KATNIP: variants seen among roughly 807,000 people sequenced by gnomAD.
The protein encoded by KATNIP is katanin-interacting protein.
KATNIP carries 126 observed loss-of-function variants against 174.0 expected under a neutral mutation model. That is an observed-to-expected ratio of 0.72 (90% CI 0.63 to 0.84). The LOEUF (loss-of-function observed/expected upper bound fraction) is 0.84. Among genes scored for constraint, KATNIP ranks in the 40% least tolerant of loss-of-function variants. The pLI is 0.00. For synonymous variants in KATNIP, 810 were observed against 835.7 expected (o/e 0.97, Z 0.53); for missense variants, 1,958 against 2,109.7 (o/e 0.93, Z 1.41).
In KATNIP at chr16:27,648,708, AAAC is replaced by A; in HGVS notation, c.518_520del (p.Asn173del). The A allele has an allele frequency of 6.2e-7, 1 of 1,614,146 alleles. No homozygotes were observed. The highest frequency in any genetic ancestry group is 8.5e-7 in the Non-Finnish European group (1 of 1,180,026). ...TGTGTGGGGATGTGACTCTCCAGGCAAACAACACTTCTGAGGATCGTCCGCAGG... is the reference window on the plus strand; with the variant it reads ...TGTGTGGGGATGTGACTCTCCAGGCAAACACTTCTGAGGATCGTCCGCAGG... On this transcript the variant is annotated inframe_deletion, in exon 6 of 28. Coordinates refer to ENST00000261588, the MANE Select transcript of KATNIP (RefSeq NM_015202.5).
intron 21 of KATNIP, among the ~76,000 whole-genome samples, chr16:27,770,734 T>G (rs1339579131): frequency 6.6e-6 from 1 of 152,252 alleles, no homozygotes; most frequent in Non-Finnish European, 1.5e-5. Context: ...GTGAACACTT[T>G]GATGTGTCCT....
intron 1 of KATNIP, among the ~76,000 whole-genome samples, chr16:27,564,917 C>G (rs527822740): frequency 1.5e-4 from 23 of 152,060 alleles, no homozygotes; most frequent in African/African-American, 5.5e-4. Context: ...GCATGCGCCA[C>G]CACACCCGGC....
chr16:27,699,833 C>T (rs1457765824), intron 10 of KATNIP, among the ~76,000 whole-genome samples: 1 of 152,220 alleles, frequency 6.6e-6, no homozygotes, highest in Non-Finnish European at 1.5e-5. Context: ...CCCAAGGTCA[C>T]GAGTTGAAGC....
Position 27,698,388 on chromosome 16 carries a change from A to T in KATNIP, c.1001A>T (p.Glu334Val), listed in dbSNP as rs995607830. 3.1e-6 allele frequency: 5 copies of T among 1,613,310 alleles called. No individual in the cohort carries two copies. Among genetic ancestry groups the T allele is most frequent in the Non-Finnish European group, 3.4e-6 (4 of 1,179,630 alleles). Residue 334 changes from glutamate (E) to valine (V), a missense_variant, in exon 9 of 28, where the codon GAG becomes GTG. By Grantham distance (121) the Glu-to-Val change is moderately radical (BLOSUM62 -2). Coordinates refer to ENST00000261588, the MANE Select transcript of KATNIP (RefSeq NM_015202.5). Reference protein sequence around the residue: ...SATRKTLCEAEYPEEDASAVL... With the variant: ...SATRKTLCEAVYPEEDASAVL... The stretch of plus-strand genomic sequence containing the variant: ...ACCCGCAAAACTCTTTGCGAGGCTG[A>T]GTACCCAGAGGAAGATGCCTCTGCT...
intron 12 of KATNIP, among the ~76,000 whole-genome samples, chr16:27,708,256 C>T (rs1205919703): frequency 6.6e-6 from 1 of 151,924 alleles, no homozygotes; most frequent in Non-Finnish European, 1.5e-5. Flanking sequence ...CTCCTGGCCT[C>T]GAGGAATCCT....
At chr16:27,750,351 CT>C in intron 16 of KATNIP, 45 bp downstream of exon 16, 1 of 1,561,588 alleles carries the variant, frequency 6.4e-7, no homozygotes, top group Non-Finnish European at 8.7e-7. Context: ...CTATCTGTGA[CT>C]TGCTGAGAGT....
Position 27,763,962 on chromosome 16 carries a change from T to C in KATNIP, c.3810-2347T>C, listed in dbSNP as rs531193536. Among the ~76,000 whole-genome samples, 228 of 152,340 alleles carry C rather than the reference T, an allele frequency of 1.5e-3. 2 individuals carry two copies. The highest frequency in any genetic ancestry group is 0.01 in the Middle Eastern group (3 of 294). On this transcript the variant is annotated intron_variant, in intron 19 of 27. Transcript: ENST00000261588. Reference sequence around the variant, plus strand: ...ATTAGATCTAGAGGCCTGATCAGATTGAGGTTTGACTACTAGGGCAAGATG... The same window carrying C: ...ATTAGATCTAGAGGCCTGATCAGATCGAGGTTTGACTACTAGGGCAAGATG...
intron 19 of KATNIP, among the ~76,000 whole-genome samples, chr16:27,763,015 A>C (rs1041100312): frequency 1.3e-5 from 2 of 152,172 alleles, no homozygotes; most frequent in Non-Finnish European, 2.9e-5. Flanking sequence ...TCCTGGTACC[A>C]TTGTTATACT....
chr16:27,765,327 C>G (rs1369789656), intron 19 of KATNIP, among the ~76,000 whole-genome samples: 1 of 152,220 alleles, frequency 6.6e-6, no homozygotes, highest in Non-Finnish European at 1.5e-5. Context: ...CACAGGCCCA[C>G]TTGAGGATGA....
intron 14 of KATNIP, among the ~76,000 whole-genome samples, chr16:27,739,049 G>A (rs1010220835): frequency 1.1e-4 from 17 of 152,150 alleles, no homozygotes; most frequent in Non-Finnish European, 2.2e-4. Context: ...TGAAGTGTGA[G>A]TGCAGGGATT....
intron 2 of KATNIP, among the ~76,000 whole-genome samples, chr16:27,608,954 T>C (rs2075804214): frequency 6.6e-6 from 1 of 152,138 alleles, no homozygotes; most frequent in South Asian, 2.1e-4. Context: ...ATGCTTCAGG[T>C]GACTGGGGTC....
intron 18 of KATNIP, among the ~76,000 whole-genome samples, chr16:27,760,586 A>G (rs79093323): frequency 0.011 from 1,602 of 152,310 alleles, 28 homozygotes; most frequent in African/African-American, 0.037. Context: ...ATAAAATGTC[A>G]GTTTCCAGCG....
intron 3 of KATNIP, among the ~76,000 whole-genome samples, chr16:27,625,608 G>T (rs944578873): frequency 1.3e-5 from 2 of 152,212 alleles, no homozygotes; most frequent in African/African-American, 4.8e-5. Flanking sequence ...GCTGGCAAGA[G>T]ATAAGCAGCC....
chr16:27,773,220 T>C lies in KATNIP; in HGVS notation c.4309+11T>C. 4 of 1,577,132 alleles carry C rather than the reference T, an allele frequency of 2.5e-6. No homozygotes were observed. Among genetic ancestry groups the C allele is most frequent in the Non-Finnish European group, 3.5e-6 (4 of 1,151,480 alleles). ...CCTTGTCGGAAAACAGTATCCTTTG[T>C]AGGACAGGAGTGGGCTCCACCCAGA... On this transcript the variant is annotated intron_variant, in intron 23 of 27. Coordinates refer to ENST00000261588, the MANE Select transcript of KATNIP (RefSeq NM_015202.5).
intron 13 of KATNIP, among the ~76,000 whole-genome samples, chr16:27,711,907 C>T (rs1219227587): frequency 6.6e-6 from 1 of 152,148 alleles, no homozygotes; most frequent in Non-Finnish European, 1.5e-5. Context: ...TGTGGCCTGG[C>T]CTATCCCTGC....
chr16:27,715,570 A>T lies in KATNIP; in HGVS notation c.1606-5988A>T, dbSNP rs191575174. ...GATAAGGGTCTAATATTCAGAATATACAAAGAAAAAAACCGTAATGACAAA... is the reference window on the plus strand; with the variant it reads ...GATAAGGGTCTAATATTCAGAATATTCAAAGAAAAAAACCGTAATGACAAA... On this transcript the variant is annotated intron_variant, in intron 13 of 27. Coordinates refer to ENST00000261588, the MANE Select transcript of KATNIP (RefSeq NM_015202.5). Among the ~76,000 whole-genome samples, 44 of 152,370 alleles carry T rather than the reference A, an allele frequency of 2.9e-4. 1 individual carries two copies. Among genetic ancestry groups the T allele is most frequent in the East Asian group, 1.3e-3 (7 of 5,194 alleles).
intron 8 of KATNIP, among the ~76,000 whole-genome samples, chr16:27,683,621 T>C (rs1273017963): frequency 6.6e-6 from 1 of 152,106 alleles, no homozygotes; most frequent in Non-Finnish European, 1.5e-5. Flanking sequence ...AAATAGAACA[T>C]GAAAGATGTC....
chr16:27,715,953 A>G (rs1597271279), intron 13 of KATNIP, among the ~76,000 whole-genome samples: 1 of 150,696 alleles, frequency 6.6e-6, no homozygotes, highest in African/African-American at 2.5e-5. Flanking sequence ...CATACCCAGG[A>G]TAACTAAAAA....
intron 2 of KATNIP, among the ~76,000 whole-genome samples, chr16:27,589,389 A>G (rs1386064863): frequency 6.6e-6 from 1 of 152,232 alleles, no homozygotes; most frequent in African/African-American, 2.4e-5. Context: ...TTGAGCACAA[A>G]AGCAGCCATA....
Sources: gnomAD v4.1 joint callset for allele counts (sites outside exome capture counted in the v4.1 genomes callset) on GRCh38, gnomAD v4.1.1 for gene constraint, MANE v1.5 for transcripts, NCBI Gene and HGNC (gene_info 2026-07-23, HGNC 2026-07-21) for gene names.